Variants in IQCK observed in about 807,000 individuals in gnomAD.
The protein encoded by IQCK is IQ domain-containing protein K.
In IQCK, 29 loss-of-function variants were observed where a neutral mutation model predicts 28.1. The observed-to-expected ratio is 1.03, with a 90% CI of 0.77 to 1.41. The LOEUF (loss-of-function observed/expected upper bound fraction) is 1.41, where lower values mean the gene tolerates loss of function less well. IQCK is among the 40% of genes most tolerant of loss of function. The probability of loss-of-function intolerance (pLI) is 0.00; values close to 1 mark genes in which losing one functional copy is unlikely to be tolerated. For missense variants in IQCK, 359 were observed against 314.7 expected (o/e 1.14, Z -1.07); for synonymous variants, 113 against 115.1 (o/e 0.98, Z 0.12).
At chr16:19,836,859 A>G (rs970939981) in intron 9 of IQCK, among the ~76,000 whole-genome samples, 1 of 152,048 alleles carries the variant, frequency 6.6e-6, no homozygotes, top group Admixed American at 6.6e-5. Context: ...AAACCCCTAG[A>G]CGGCTCATGA....
rs2056143853 is a variant in IQCK, at chr16:19,825,963, C to T, written c.691-1063C>T. Reference sequence around the variant, plus strand: ...GAAGTATGTTGTAAGTGCAAAAACACACAGTGTTGAAGACTTAGCATGTAA... The same window carrying T: ...GAAGTATGTTGTAAGTGCAAAAACATACAGTGTTGAAGACTTAGCATGTAA... On this transcript the variant is annotated intron_variant, in intron 7 of 7. Coordinates refer to ENST00000564186, the Ensembl canonical transcript of IQCK. This position sits in a 1 kb window ranked among gnomAD's most constrained non-coding sequence, Gnocchi z 4.2. Among the ~76,000 whole-genome samples the T allele has an allele frequency of 6.6e-6, 1 of 152,210 alleles. No individual in the cohort carries two copies. The highest frequency in any genetic ancestry group is 6.5e-5 in the Admixed American group (1 of 15,274).
intron 6 of IQCK, among the ~76,000 whole-genome samples, chr16:19,776,766 G>T (rs2151722937): frequency 6.6e-6 from 1 of 152,280 alleles, no homozygotes; most frequent in East Asian, 1.9e-4. Flanking sequence ...ATTGAAGTGT[G>T]ATGAGGGTGT....
At chr16:19,764,934 C>T (rs1311642094) in intron 6 of IQCK, among the ~76,000 whole-genome samples, 5 of 138,210 alleles carry the variant, frequency 3.6e-5, no homozygotes, top group African/African-American at 1.3e-4. Flanking sequence ...CTCCTGACCT[C>T]GTGATCCGCC....
intron 9 of IQCK, among the ~76,000 whole-genome samples, chr16:19,849,559 C>T (rs1035481984): frequency 2.6e-5 from 4 of 151,326 alleles, no homozygotes; most frequent in Non-Finnish European, 4.4e-5. Context: ...CCCAGCAGTT[C>T]GAGACCAGCC....
intron 4 of IQCK, among the ~76,000 whole-genome samples, chr16:19,748,011 G>T (rs1423483319): frequency 6.6e-6 from 1 of 150,452 alleles, no homozygotes; most frequent in Non-Finnish European, 1.5e-5. Flanking sequence ...CTTCAGGAAA[G>T]ATTAAATGAG....
At chr16:19,722,785 C>T (rs965977052) in intron 1 of IQCK, among the ~76,000 whole-genome samples, 13 of 151,410 alleles carry the variant, frequency 8.6e-5, no homozygotes, top group African/African-American at 3.2e-4. Flanking sequence ...GGTGCGATAT[C>T]TGCTTACTTC....
At chr16:19,829,338 CT>C (rs879746539), downstream of IQCK, among the ~76,000 whole-genome samples, 866 of 142,706 alleles carry the variant, frequency 6.1e-3, 3 homozygotes, top group Admixed American at 0.013. Context: ...CTTCCTATTC[CT>C]TTTTTTTTTT....
At chr16:19,821,774 CTTAAA>C (rs1171277271) in intron 7 of IQCK, among the ~76,000 whole-genome samples, 3 of 152,066 alleles carry the variant, frequency 2.0e-5, no homozygotes, top group Non-Finnish European at 4.4e-5. Context: ...GTAGGAACAA[CTTAAA>C]TGTTCCATTA....
intron 7 of IQCK, among the ~76,000 whole-genome samples, chr16:19,823,700 G>A (rs879582521): frequency 2.0e-5 from 3 of 152,188 alleles, no homozygotes; most frequent in Non-Finnish European, 2.9e-5. Flanking sequence ...ACTTTGGGAC[G>A]CCGAGGTGGG....
At chr16:19,804,390 C>G (rs2055805804) in intron 7 of IQCK, among the ~76,000 whole-genome samples, 1 of 151,542 alleles carries the variant, frequency 6.6e-6, no homozygotes, top group African/African-American at 2.4e-5. Context: ...ATTTCCTAAA[C>G]AGAGGTAAAA....
At chr16:19,726,221 C>T (rs940569307) in intron 1 of IQCK, among the ~76,000 whole-genome samples, 1 of 152,154 alleles carries the variant, frequency 6.6e-6, no homozygotes, top group Admixed American at 6.6e-5. Flanking sequence ...GTCCGGAACT[C>T]CTGAGAGATT....
intron 4 of IQCK, chr16:19,736,289 G>C (rs1220606589): frequency 2.5e-6 from 1 of 402,118 alleles, no homozygotes; most frequent in African/African-American, 2.1e-5. Flanking sequence ...TTTGAGACAG[G>C]GTCTTGCTCT....
At position 19,740,825 on chromosome 16, in the gene IQCK, C is replaced by T. The variant is rs143563563; in HGVS notation, c.474+5375C>T. Among the ~76,000 whole-genome samples the T allele has an allele frequency of 9.9e-3, 1,495 of 151,600 alleles. 17 individuals are homozygous for T. Among genetic ancestry groups the T allele is most frequent in the Non-Finnish European group, 0.016 (1,076 of 67,900 alleles). ...CTCTACTAAAAATACAAAAATTAGC[C>T]GGGCGTGGTGGCAGGTGCCTGAGTC... On this transcript the variant is annotated intron_variant, in intron 4 of 7. Transcript: ENST00000564186.
chr16:19,780,593 G>A (rs535465156), intron 6 of IQCK, among the ~76,000 whole-genome samples: 2 of 152,326 alleles, frequency 1.3e-5, no homozygotes, highest in East Asian at 1.9e-4. Context: ...GGAAAGGGAA[G>A]GAAATTCCCT....
intron 6 of IQCK, among the ~76,000 whole-genome samples, chr16:19,771,446 G>A (rs1290324779): frequency 2.6e-5 from 4 of 152,128 alleles, no homozygotes; most frequent in Non-Finnish European, 4.4e-5. Context: ...TGCCTACCAC[G>A]AAGTGTAATG....
chr16:19,813,941 G>A (rs993176853), intron 7 of IQCK, among the ~76,000 whole-genome samples: 2 of 152,040 alleles, frequency 1.3e-5, no homozygotes, highest in Admixed American at 1.3e-4. Flanking sequence ...AATTAGGGCT[G>A]GGTGTGGTGG....
chr16:19,759,851 T>C (rs988273725), intron 4 of IQCK, among the ~76,000 whole-genome samples: 1 of 152,020 alleles, frequency 6.6e-6, no homozygotes, highest in Non-Finnish European at 1.5e-5. Flanking sequence ...GGTGTGGTGG[T>C]GCATGCCTGT....
chr16:19,756,581 G>C (rs547761499), intron 4 of IQCK, among the ~76,000 whole-genome samples: 5 of 152,148 alleles, frequency 3.3e-5, no homozygotes, highest in Admixed American at 2.6e-4. Context: ...AGTGAGATTC[G>C]TGTCCTTATA....
chr16:19,835,075 G>T (rs768746120), intron 9 of IQCK, among the ~76,000 whole-genome samples: 5 of 152,062 alleles, frequency 3.3e-5, no homozygotes, highest in Non-Finnish European at 7.4e-5. Context: ...GATCAGCCTG[G>T]CCAACATGGT....
Sources: gnomAD v4.1 joint callset for allele counts (sites outside exome capture counted in the v4.1 genomes callset) on GRCh38, gnomAD v4.1.1 for gene constraint, Gnocchi (gnomAD v3.1) non-coding constraint, MANE v1.5 for transcripts, NCBI Gene and HGNC (gene_info 2026-07-23, HGNC 2026-07-21) for gene names.